INTS13: variants seen among roughly 807,000 people sequenced by gnomAD.
INTS13 encodes asunder, spermatogenesis regulator homolog (Drosphila).
Under a neutral mutation model 90.2 loss-of-function variants are expected in INTS13, and 35 were observed. The ratio of observed to expected loss-of-function variants is 0.39; its 90% confidence interval spans 0.30 to 0.51. The LOEUF (loss-of-function observed/expected upper bound fraction) is 0.51, where lower values mean the gene tolerates loss of function less well. Ranked by LOEUF, INTS13 falls within the 20% of genes least tolerant of loss-of-function variation. INTS13 has a pLI of 0.80. For missense variants in INTS13, 601 were observed against 851.2 expected (o/e 0.71, Z 3.66); for synonymous variants, 309 against 277.1 (o/e 1.11, Z -1.14).
At chr12:26,925,678 A>C in intron 6 of INTS13, 83 bp downstream of exon 6, 1 of 1,130,354 alleles carries the variant, frequency 8.8e-7, no homozygotes, top group Admixed American at 2.3e-5. Flanking sequence ...AATATTGGCA[A>C]TGGATCATTT....
chr12:26,916,746 G>T (rs1455103273), intron 10 of INTS13, among the ~76,000 whole-genome samples: 1 of 152,156 alleles, frequency 6.6e-6, no homozygotes, highest in Admixed American at 6.5e-5. Flanking sequence ...TCCAAAACCT[G>T]AGATGATCAT....
At chr12:26,911,374 C>T in intron 14 of INTS13, 57 bp from the exon 15 acceptor site, 1 of 1,448,224 alleles carries the variant, frequency 6.9e-7, no homozygotes, top group Non-Finnish European at 9.3e-7. Flanking sequence ...GTCTAATGGT[C>T]TAATAATTAA....
intron 1 of INTS13, among the ~76,000 whole-genome samples, chr12:26,937,223 G>C (rs963198034): frequency 5.3e-5 from 8 of 152,158 alleles, no homozygotes; most frequent in Non-Finnish European, 1.2e-4. Flanking sequence ...CCCCAAGCCA[G>C]CATTTTTGCA....
chr12:26,913,429 T>C (rs1951846637), intron 14 of INTS13, 28 bp downstream of exon 14: 1 of 1,563,878 alleles, frequency 6.4e-7, no homozygotes, highest in African/African-American at 1.4e-5. Flanking sequence ...AAAGGCACCA[T>C]GGTGCTATAT....
At chr12:26,908,563 A>G (rs1443376601) in intron 15 of INTS13, among the ~76,000 whole-genome samples, 1 of 151,494 alleles carries the variant, frequency 6.6e-6, no homozygotes, top group Middle Eastern at 3.2e-3. Context: ...ACTGCATCAT[A>G]CAAAGAGAGT....
chr12:26,924,273 A>T lies in INTS13; in HGVS notation c.804+82T>A. The stretch of plus-strand genomic sequence containing the variant: ...CTCCCAAAGTGCTGGGATTACAGGC[A>T]TGAGCTACCACGCCTGGCCTCAAAC... On this transcript the variant is annotated intron_variant, in intron 7 of 16. Coordinates refer to ENST00000261191, the MANE Select transcript of INTS13 (RefSeq NM_018164.3). 4 of 1,465,758 alleles carry T rather than the reference A, an allele frequency of 2.7e-6. No individual in the cohort carries two copies. In the South Asian group the frequency reaches 5.2e-5, roughly 19 times the overall value. 90.8% of individuals were successfully genotyped at this position (1,465,758 alleles called of 1,614,324 possible).
intron 3 of INTS13, among the ~76,000 whole-genome samples, chr12:26,930,678 A>G (rs556696573): frequency 9.2e-5 from 14 of 152,226 alleles, no homozygotes; most frequent in Non-Finnish European, 1.9e-4. Flanking sequence ...AAAGCAAAAG[A>G]AGTAATAATT....
Position 26,913,689 on chromosome 12 carries a change from TGCA to T in INTS13, c.1575-5_1575-3del, listed in dbSNP as rs1322449108. On this transcript the variant is annotated splice_region_variant and splice_polypyrimidine_tract_variant and intron_variant, in intron 13 of 16. Coordinates refer to ENST00000261191, the MANE Select transcript of INTS13 (RefSeq NM_018164.3). The stretch of plus-strand genomic sequence containing the variant: ...CACATGATACGGTATTGTTCATCTC[TGCA>T]GCAAAGATTTGGAAATACTCTTTAA... 6.2e-7 allele frequency: 1 copy of T among 1,600,134 alleles called. No homozygotes were observed. Among genetic ancestry groups the T allele is most frequent in the Admixed American group, 1.7e-5 (1 of 58,612 alleles).
Position 26,922,606 on chromosome 12 carries a change from T to G in INTS13, c.889+10A>C. The G allele has an allele frequency of 6.3e-7, 1 of 1,576,442 alleles. No individual in the cohort carries two copies. Among genetic ancestry groups the G allele is most frequent in the Non-Finnish European group, 8.6e-7 (1 of 1,157,738 alleles). The stretch of plus-strand genomic sequence containing the variant: ...GATCATACAAAATAATACTTTCAAA[T>G]GTCTCTTACCACTTTTCAGGAAATC... On this transcript the variant is annotated intron_variant, in intron 8 of 16. Transcript: ENST00000261191.
At chr12:26,931,765 T>A (rs56763494) in intron 3 of INTS13, among the ~76,000 whole-genome samples, 22,519 of 152,072 alleles carry the variant, frequency 0.15, 1,831 homozygotes, top group Admixed American at 0.24. Context: ...TCCACTAAAA[T>A]CGAAGTAAAA....
chr12:26,906,478 A>G lies in INTS13; in HGVS notation c.1946-41T>C, dbSNP rs192039188. 823 of 1,570,038 alleles carry G rather than the reference A, an allele frequency of 5.2e-4. 3 individuals are homozygous for G. The highest frequency in any genetic ancestry group is 5.1e-4 in the Non-Finnish European group (597 of 1,161,856). On this transcript the variant is annotated intron_variant, in intron 15 of 16. Transcript: ENST00000261191. Reference sequence around the variant, plus strand: ...AAAGGAGAGAGAAAAAAAAGATAGAATAATTTATTATTTCCAAATTTCCAA... The same window carrying G: ...AAAGGAGAGAGAAAAAAAAGATAGAGTAATTTATTATTTCCAAATTTCCAA...
chr12:26,937,223 G>A (rs963198034), intron 1 of INTS13, among the ~76,000 whole-genome samples: 8 of 152,158 alleles, frequency 5.3e-5, no homozygotes, highest in Non-Finnish European at 1.2e-4. Context: ...CCCCAAGCCA[G>A]CATTTTTGCA....
At chr12:26,929,962 A>G (rs1938102980) in intron 3 of INTS13, among the ~76,000 whole-genome samples, 1 of 152,210 alleles carries the variant, frequency 6.6e-6, no homozygotes, top group Non-Finnish European at 1.5e-5. Flanking sequence ...TAACTAATAT[A>G]CAAGTTCAGC....
In INTS13 at chr12:26,915,354, T is replaced by C. The variant is rs1372867579; in HGVS notation, c.1248+648A>G. On this transcript the variant is annotated intron_variant, in intron 11 of 16. Transcript: ENST00000261191. ...GTTTTTTTACGATATCTATATTCTC[T>C]AAATTTTCTACAATAAATATTGATT... Among the ~76,000 whole-genome samples, 5 of 152,206 alleles carry C rather than the reference T, an allele frequency of 3.3e-5. No homozygotes were observed. In the East Asian group the frequency reaches 9.6e-4, roughly 29 times the overall value.
chr12:26,916,522 C>T (rs1011666742), intron 10 of INTS13, among the ~76,000 whole-genome samples: 15 of 152,130 alleles, frequency 9.9e-5, no homozygotes, highest in African/African-American at 3.6e-4. Flanking sequence ...CTCCATAATC[C>T]TCAGGTTATT....
chr12:26,918,615 A>C (rs1952011516), intron 8 of INTS13, among the ~76,000 whole-genome samples: 1 of 152,238 alleles, frequency 6.6e-6, no homozygotes, highest in Admixed American at 6.5e-5. Flanking sequence ...AAGGAATCTA[A>C]AATGCACAAC....
chr12:26,911,018 A>G (rs1280654421), intron 15 of INTS13, among the ~76,000 whole-genome samples, 160 bp downstream of exon 15: 1 of 152,122 alleles, frequency 6.6e-6, no homozygotes, highest in African/African-American at 2.4e-5. Context: ...TATTTTTATT[A>G]GAGGTGGGGT....
At chr12:26,907,398 C>T (rs1215195464) in intron 15 of INTS13, among the ~76,000 whole-genome samples, 4 of 152,162 alleles carry the variant, frequency 2.6e-5, no homozygotes, top group African/African-American at 9.7e-5. Context: ...AACATTAGGA[C>T]ATCGTAGGCA....
chr12:26,906,578 C>T lies in INTS13; in HGVS notation c.1946-141G>A, dbSNP rs1032729456. 6 of 893,990 alleles carry T rather than the reference C, an allele frequency of 6.7e-6. No homozygotes were observed. In the African/African-American group the frequency reaches 6.8e-5, roughly 10 times the overall value. The allele number at this position is 893,990 out of a possible 1,614,324, so 55.4% of individuals were successfully genotyped here. On this transcript the variant is annotated intron_variant, in intron 15 of 16. Transcript: ENST00000261191. ...AGTTAATTCTGTAGTTCATTTTACA[C>T]GATTAAGGCAATCATTTTCCTCTTA...
Sources: allele counts gnomAD v4.1 joint callset (sites outside exome capture counted in the v4.1 genomes callset), GRCh38; gene constraint gnomAD v4.1.1; transcripts MANE v1.5; gene names NCBI Gene and HGNC (gene_info 2026-07-23, HGNC 2026-07-21).